Variants in GINS1 observed in about 807,000 individuals in gnomAD.
GINS1 encodes the protein DNA replication complex GINS protein PSF1.
A neutral mutation model predicts 34.9 loss-of-function variants in GINS1; 26 were observed. The ratio of observed to expected loss-of-function variants is 0.74; its 90% CI spans 0.55 to 1.03. GINS1 has a LOEUF of 1.03. GINS1 is among the 50% of genes least tolerant of loss of function. The pLI is 0.00. For missense variants in GINS1, 235 were observed against 237.9 expected, an observed-to-expected ratio of 0.99 and a Z score of 0.08; for synonymous variants, 97 against 84.4, an observed-to-expected ratio of 1.15 and a Z score of -0.82.
chr20:25,444,539 C>T (rs2090500620), intron 6 of GINS1, among the ~76,000 whole-genome samples: 1 of 152,078 alleles, frequency 6.6e-6, no homozygotes, highest in South Asian at 2.1e-4. Context: ...CTTGCCAGGC[C>T]TTTGAGTTTG....
chr20:25,438,219 A>G (rs1480258840), intron 5 of GINS1, among the ~76,000 whole-genome samples: 1 of 152,052 alleles, frequency 6.6e-6, no homozygotes, highest in Non-Finnish European at 1.5e-5. Flanking sequence ...GTCTATACCT[A>G]AATGCCATTT....
At chr20:25,440,810 CAAAAAAAAAAAA>C (rs60014594) in intron 5 of GINS1, among the ~76,000 whole-genome samples, 2,174 of 69,148 alleles carry the variant, frequency 0.031, 55 homozygotes, top group African/African-American at 0.081. Flanking sequence ...GACTCTGTCT[CAAAAAAAAAAAA>C]AAAAAAAAAA....
intron 5 of GINS1, among the ~76,000 whole-genome samples, chr20:25,430,634 G>T (rs960502518): frequency 6.6e-6 from 1 of 152,144 alleles, no homozygotes; most frequent in African/African-American, 2.4e-5. Flanking sequence ...GGGTTCAAGC[G>T]ATTCTCCTGC....
intron 6 of GINS1, among the ~76,000 whole-genome samples, chr20:25,442,061 T>C (rs531677406): frequency 2.0e-5 from 3 of 152,192 alleles, no homozygotes; most frequent in African/African-American, 2.4e-5. Flanking sequence ...AAGTGATAGA[T>C]TATTATCTGG....
At chr20:25,435,647 A>G (rs371758107) in intron 5 of GINS1, among the ~76,000 whole-genome samples, 1 of 150,916 alleles carries the variant, frequency 6.6e-6, no homozygotes, top group Non-Finnish European at 1.5e-5. Context: ...AATCCTAGCT[A>G]CTCGGAAGGC....
At chr20:25,416,625 T>C (rs190798102) in intron 2 of GINS1, among the ~76,000 whole-genome samples, 1 of 152,288 alleles carries the variant, frequency 6.6e-6, no homozygotes, top group East Asian at 1.9e-4. Context: ...TCAACAGATA[T>C]TTGTAAGATG....
Position 25,428,007 on chromosome 20 carries a change from G to A in GINS1, c.447+2680G>A, listed in dbSNP as rs111296325. ...CTGCCTCAGCCTCCTGAGTAGCTGG[G>A]ATTACAGGCATGCACCACCACACCC... On this transcript the variant is annotated intron_variant, in intron 5 of 6. Transcript: ENST00000262460. Among the ~76,000 whole-genome samples, 1,044 of 151,658 alleles carry A rather than the reference G, an allele frequency of 6.9e-3. 4 individuals carry two copies. The highest frequency in any genetic ancestry group is 0.02 in the Middle Eastern group (6 of 294).
Position 25,442,251 on chromosome 20 carries a change from CAATTT to C in GINS1, c.522+479_522+483del, listed in dbSNP as rs1371850682. Among the ~76,000 whole-genome samples, 3 of 152,232 alleles carry C rather than the reference CAATTT, an allele frequency of 2.0e-5. No homozygotes were observed. In the East Asian group the frequency reaches 5.8e-4, roughly 29 times the overall value. ...TCAAGTATTTGGTATATAAACATAA[CAATTT>C]AATAGAGGAAGATTAAAATTGTAAA... On this transcript the variant is annotated intron_variant, in intron 6 of 6. Coordinates refer to ENST00000262460, the MANE Select transcript of GINS1 (RefSeq NM_021067.5).
intron 1 of GINS1, among the ~76,000 whole-genome samples, chr20:25,413,089 C>T (rs990569100): frequency 1.4e-5 from 2 of 146,558 alleles, no homozygotes; most frequent in Non-Finnish European, 3.0e-5. Context: ...GACGAAGTTT[C>T]GCTCTTGTTG....
At chr20:25,431,498 G>A (rs1220236700) in intron 5 of GINS1, among the ~76,000 whole-genome samples, 1 of 149,094 alleles carries the variant, frequency 6.7e-6, no homozygotes, top group South Asian at 2.2e-4. Context: ...TAGGTGGTTG[G>A]CTTGAAATTT....
At chr20:25,432,751 GCCA>G (rs1328507663) in intron 5 of GINS1, among the ~76,000 whole-genome samples, 7 of 151,820 alleles carry the variant, frequency 4.6e-5, no homozygotes, top group Non-Finnish European at 2.9e-5. Flanking sequence ...ACAGGCGTGA[GCCA>G]CCACAACTGG....
At chr20:25,444,118 TCTC>T (rs2090498365) in intron 6 of GINS1, among the ~76,000 whole-genome samples, 1 of 151,906 alleles carries the variant, frequency 6.6e-6, no homozygotes, top group Admixed American at 6.6e-5. Context: ...TTCAAGCAAT[TCTC>T]CTGCCTCAGC....
chr20:25,417,095 T>A lies in GINS1; in HGVS notation c.141-9T>A. On this transcript the variant is annotated splice_polypyrimidine_tract_variant and intron_variant, in intron 2 of 6. Transcript: ENST00000262460. Reference sequence around the variant, plus strand: ...ACATATTTTTTTTCTTTTTAAATGCTCCTATCAGGAATGAAGCAAAGTCAG... The same window carrying A: ...ACATATTTTTTTTCTTTTTAAATGCACCTATCAGGAATGAAGCAAAGTCAG... The A allele has an allele frequency of 1.5e-6, 2 of 1,317,108 alleles. No homozygotes were observed. Among genetic ancestry groups the A allele is most frequent in the Non-Finnish European group, 2.2e-6 (2 of 919,228 alleles). 81.6% of individuals were successfully genotyped at this position (1,317,108 alleles called of 1,614,324 possible).
At position 25,407,749 on chromosome 20, in the gene GINS1, C is replaced by T; in HGVS notation, c.-72C>T. 3 of 1,172,920 alleles carry T rather than the reference C, an allele frequency of 2.6e-6. No individual in the cohort carries two copies. The highest frequency in any genetic ancestry group is 2.5e-5 in the South Asian group (2 of 80,224). The allele number at this position is 1,172,920 out of a possible 1,614,324, so 72.7% of individuals were successfully genotyped here. A position where few individuals can be genotyped will look rare whatever the true frequency, so the allele number is the denominator to read the frequency against. On this transcript the variant is annotated 5_prime_UTR_variant, in exon 1 of 7. Coordinates refer to ENST00000262460, the MANE Select transcript of GINS1 (RefSeq NM_021067.5). ...GGACTAGAACGAAAGGAGTGAGGCGCCGAGAGCCCAGATACCATTTTGGCG... is the reference window on the plus strand; with the variant it reads ...GGACTAGAACGAAAGGAGTGAGGCGTCGAGAGCCCAGATACCATTTTGGCG...
intron 5 of GINS1, among the ~76,000 whole-genome samples, chr20:25,429,396 G>A (rs1355325412): frequency 6.6e-6 from 1 of 152,168 alleles, no homozygotes; most frequent in Non-Finnish European, 1.5e-5. Flanking sequence ...AGTAGGGATT[G>A]TGTAGGTCAC....
rs886754437 is a variant in GINS1, at chr20:25,409,078, G to A, written c.75+1183G>A. 55 of 972,076 alleles carry A rather than the reference G, an allele frequency of 5.7e-5. No individual in the cohort carries two copies. In the African/African-American group the frequency reaches 9.3e-4, roughly 16 times the overall value. The allele number at this position is 972,076 out of a possible 1,614,324, so 60.2% of individuals were successfully genotyped here. ...GAGGTTACTGATCTGAGAAGGAAGCGAGGCATCCCAGCCAAAGGATGCTGC... is the reference window on the plus strand; with the variant it reads ...GAGGTTACTGATCTGAGAAGGAAGCAAGGCATCCCAGCCAAAGGATGCTGC... On this transcript the variant is annotated intron_variant, in intron 1 of 6. Coordinates refer to ENST00000262460, the MANE Select transcript of GINS1 (RefSeq NM_021067.5).
At chr20:25,437,841 G>A (rs576604533) in intron 5 of GINS1, among the ~76,000 whole-genome samples, 30 of 152,124 alleles carry the variant, frequency 2.0e-4, no homozygotes, top group Non-Finnish European at 2.6e-4. Context: ...AAAAGGGGCC[G>A]GGCACAGTGG....
chr20:25,440,901 A>G (rs2090478982), intron 5 of GINS1, among the ~76,000 whole-genome samples: 1 of 152,108 alleles, frequency 6.6e-6, no homozygotes, highest in Admixed American at 6.6e-5. Context: ...ATATTTAATT[A>G]AAATACTTTG....
chr20:25,408,393 C>T (rs537099741), intron 1 of GINS1, among the ~76,000 whole-genome samples: 1 of 152,332 alleles, frequency 6.6e-6, no homozygotes, highest in African/African-American at 2.4e-5. Context: ...GTGTAAGGGT[C>T]TCTGCATATG....
Sources: gnomAD v4.1 joint callset for allele counts (sites outside exome capture counted in the v4.1 genomes callset) on GRCh38, gnomAD v4.1.1 for gene constraint, MANE v1.5 for transcripts, NCBI Gene and HGNC (gene_info 2026-07-23, HGNC 2026-07-21) for gene names.